Variants in ZNF420 observed in about 807,000 individuals in gnomAD.
ZNF420 encodes ATM and p53-associated KZNF protein.
In ZNF420, 31 loss-of-function variants were observed where a neutral mutation model predicts 44.7. That is an observed-to-expected ratio of 0.69 (90% CI 0.52 to 0.94). The LOEUF (loss-of-function observed/expected upper bound fraction) is 0.94. ZNF420 is among the 40% of genes least tolerant of loss of function. The pLI is 0.00. For missense variants in ZNF420, 681 were observed against 827.9 expected, an observed-to-expected ratio of 0.82 and a Z score of 2.18; for synonymous variants, 245 against 267.4, an observed-to-expected ratio of 0.92 and a Z score of 0.82.
At chr19:37,008,365 G>T (rs191479869) in intron 1 of ZNF420, among the ~76,000 whole-genome samples, 2 of 152,256 alleles carry the variant, frequency 1.3e-5, no homozygotes, top group African/African-American at 4.8e-5. Flanking sequence ...GCGCCAAAGG[G>T]CAATTTCTTG....
At chr19:37,071,326 A>G (rs955275908) in intron 1 of ZNF420, among the ~76,000 whole-genome samples, 22 of 152,250 alleles carry the variant, frequency 1.4e-4, no homozygotes, top group South Asian at 6.2e-4. Flanking sequence ...AGAATGATAT[A>G]TGAAATAGTT....
In ZNF420 at chr19:37,054,548, C is replaced by T. The variant is rs139118152; in HGVS notation, c.-124-25797C>T. Among the ~76,000 whole-genome samples the T allele has an allele frequency of 3.0e-4, 45 of 152,346 alleles. 1 individual carries two copies. The East Asian group carries it at 8.7e-3, about 29-fold the overall frequency. ...CTTTTAGTCTATGAAGACAAAACCA[C>T]AGTGACAGTAACTAGGTCAAGGCAT... On this transcript the variant is annotated intron_variant, in intron 1 of 4. Coordinates refer to the ZNF420 transcript ENST00000587029.
At chr19:37,015,129 T>A (rs1164963600) in intron 1 of ZNF420, among the ~76,000 whole-genome samples, 1 of 152,204 alleles carries the variant, frequency 6.6e-6, no homozygotes, top group East Asian at 1.9e-4. Context: ...GTGCTGGATG[T>A]CTCTGTGTGT....
intron 4 of ZNF420, chr19:37,111,378 T>TA (rs551480190): frequency 1.3e-5 from 2 of 152,366 alleles, no homozygotes; most frequent in South Asian, 4.1e-4. Flanking sequence ...CAAATCCAAT[T>TA]AATGTCTCCT....
chr19:37,009,468 C>T (rs1364441758), intron 1 of ZNF420, among the ~76,000 whole-genome samples: 2 of 152,186 alleles, frequency 1.3e-5, no homozygotes, highest in Non-Finnish European at 2.9e-5. Context: ...TCGCCATCGC[C>T]CCATATGGCC....
chr19:37,116,397 A>G (rs1970689373), intron 4 of ZNF420, among the ~76,000 whole-genome samples: 1 of 149,488 alleles, frequency 6.7e-6, no homozygotes, highest in South Asian at 2.1e-4. Context: ...AAAAGAATGC[A>G]CCATTTCGCC....
At chr19:37,088,916 C>A (rs1212435610) in intron 2 of ZNF420, 123 bp from the exon 3 acceptor site, 2 of 588,528 alleles carry the variant, frequency 3.4e-6, no homozygotes, top group East Asian at 5.8e-5. Context: ...ATGTCTGTCC[C>A]CCTTAGTGTG....
At chr19:37,114,490 A>G (rs1403097673) in intron 4 of ZNF420, among the ~76,000 whole-genome samples, 1 of 152,128 alleles carries the variant, frequency 6.6e-6, no homozygotes, top group African/African-American at 2.4e-5. Flanking sequence ...TTGAGGTTGT[A>G]ATGTTACAGG....
intron 4 of ZNF420, among the ~76,000 whole-genome samples, chr19:37,126,135 G>A (rs1486369761): frequency 1.3e-5 from 2 of 152,098 alleles, no homozygotes; most frequent in African/African-American, 4.8e-5. Context: ...CTTCACTCAG[G>A]TGCCTTTTAT....
At chr19:37,064,559 G>A (rs1967933450) in intron 1 of ZNF420, among the ~76,000 whole-genome samples, 2 of 152,012 alleles carry the variant, frequency 1.3e-5, no homozygotes, top group African/African-American at 4.8e-5. Flanking sequence ...TTTTATCAGA[G>A]GAAATAATAA....
At chr19:37,065,393 A>G (rs1967952352) in intron 1 of ZNF420, among the ~76,000 whole-genome samples, 1 of 152,206 alleles carries the variant, frequency 6.6e-6, no homozygotes, top group African/African-American at 2.4e-5. Context: ...AGCTTCTCCT[A>G]ACCCTCAGCT....
At chr19:37,126,309 G>C (rs1042828130) in intron 4 of ZNF420, among the ~76,000 whole-genome samples, 5 of 152,104 alleles carry the variant, frequency 3.3e-5, no homozygotes, top group Admixed American at 6.6e-5. Context: ...CAAAGAAATG[G>C]AATAGGCTCT....
chr19:37,103,374 T>C (rs574513020), intron 4 of ZNF420, among the ~76,000 whole-genome samples: 3 of 152,322 alleles, frequency 2.0e-5, no homozygotes, highest in African/African-American at 4.8e-5. Context: ...AATTATGTTA[T>C]AGTCTTCCTT....
chr19:37,012,798 GTGTGTGTGTGTGTGTC>G (rs1283547934), intron 1 of ZNF420, among the ~76,000 whole-genome samples: 18 of 145,452 alleles, frequency 1.2e-4, no homozygotes, highest in African/African-American at 4.4e-4. Context: ...GTGTGTGTGT[GTGTGTGTGTGTGTGTC>G]TCCCATTCTC....
chr19:37,037,352 C>T (rs1029671813), intron 1 of ZNF420, among the ~76,000 whole-genome samples: 3 of 152,204 alleles, frequency 2.0e-5, no homozygotes, highest in Admixed American at 6.5e-5. Flanking sequence ...TGGATGGCTA[C>T]GATTGCTCAG....
At chr19:37,106,053 A>C (rs1970064343) in intron 4 of ZNF420, among the ~76,000 whole-genome samples, 1 of 152,180 alleles carries the variant, frequency 6.6e-6, no homozygotes, top group South Asian at 2.1e-4. Flanking sequence ...CCCTGGCCAG[A>C]ACTTCCAACA....
chr19:37,122,504 C>A (rs1971108558), intron 4 of ZNF420, among the ~76,000 whole-genome samples: 1 of 151,938 alleles, frequency 6.6e-6, no homozygotes, highest in South Asian at 2.1e-4. Context: ...AGGAGATATA[C>A]CTAATGCTAA....
At chr19:37,109,635 C>T (rs1244285399) in intron 4 of ZNF420, 3 of 152,102 alleles carry the variant, frequency 2.0e-5, no homozygotes, top group African/African-American at 7.2e-5. Context: ...TTTGCATCTC[C>T]GACAGGTTCA....
At chr19:37,122,548 G>T (rs1971111523) in intron 4 of ZNF420, among the ~76,000 whole-genome samples, 1 of 151,968 alleles carries the variant, frequency 6.6e-6, no homozygotes, top group African/African-American at 2.4e-5. Flanking sequence ...CACCAACATG[G>T]CACATGTATA....
Sources: allele counts gnomAD v4.1 joint callset (sites outside exome capture counted in the v4.1 genomes callset), GRCh38; gene constraint gnomAD v4.1.1; transcripts MANE v1.5; gene names NCBI Gene and HGNC (gene_info 2026-07-23, HGNC 2026-07-21).